Variants in IDH3G observed in about 807,000 individuals in gnomAD.
The protein encoded by IDH3G is isocitrate dehydrogenase (NAD(+)) 3 non-catalytic subunit gamma.
Under a neutral mutation model 26.9 loss-of-function variants are expected in IDH3G, and 9 were observed. The observed-to-expected ratio is 0.34, with a 90% CI of 0.20 to 0.58. IDH3G has a LOEUF of 0.58. Among genes scored for constraint, IDH3G ranks in the 20% least tolerant of loss-of-function variants. The pLI is 0.85. For synonymous variants in IDH3G, 181 were observed against 160.0 expected (o/e 1.13, Z -0.99); for missense variants, 250 against 372.8 (o/e 0.67, Z 2.71).
intron 12 of IDH3G, 44 bp from the exon 13 acceptor site, chrX:153,786,017 C>A: frequency 8.3e-7 from 1 of 1,210,327 alleles, no homozygotes. Flanking sequence ...GCCCTGCCAC[C>A]CCCCGCTGTC....
rs1557070234 is a variant in IDH3G, at chrX:153,790,551, G to A, written c.135+13C>T. ...GAGCCCCCCAAACCTAACAGGCAGA[G>A]AAGAATACTCACAATTGTTTGTTCC... On this transcript the variant is annotated intron_variant, in intron 3 of 12. Coordinates refer to ENST00000217901, the MANE Select transcript of IDH3G (RefSeq NM_004135.4). 5 of 1,207,030 alleles carry A rather than the reference G, an allele frequency of 4.1e-6. No homozygotes were observed. The highest frequency in any genetic ancestry group is 3.0e-5 in the East Asian group (1 of 33,840).
chrX:153,786,668 G>A (rs1049080332), intron 10 of IDH3G, 133 bp downstream of exon 10: 4 of 794,768 alleles, frequency 5.0e-6, no homozygotes, highest in Admixed American at 2.8e-5. Context: ...GGTGACGGCA[G>A]TACAACCCTG....
In IDH3G at chrX:153,786,386, G is replaced by T. The variant is rs183490781; in HGVS notation, c.988C>A (p.Leu330Met). 144 of 1,206,435 alleles carry T rather than the reference G, an allele frequency of 1.2e-4. No homozygotes were observed. The East Asian group carries it at 4.2e-3, about 36-fold the overall frequency. The change falls in exon 11 of 13, where the codon CTG (leucine) becomes ATG (methionine). Residue 330 changes from leucine (L) to methionine (M), a missense_variant. By Grantham distance (15) the Leu-to-Met change is conservative. Coordinates refer to ENST00000217901, the MANE Select transcript of IDH3G (RefSeq NM_004135.4). ...TGGTCCAGCATCATGCAGCTGGCCA[G>T]CAGGGTGGCCGTGGGGTTGGCGATG... is the stretch of plus-strand genomic sequence containing the variant. ...KNIANPTATL[L>M]ASCMMLDHLK...
intron 4 of IDH3G, 36 bp downstream of exon 4, chrX:153,790,159 G>A (rs782760433): frequency 9.0e-7 from 1 of 1,110,463 alleles, no homozygotes; most frequent in Non-Finnish European, 1.2e-6. Flanking sequence ...AGGGCCCCCT[G>A]GCTGAGGACA....
intron 4 of IDH3G, 42 bp from the exon 5 acceptor site, chrX:153,789,866 C>T (rs782641217): frequency 1.3e-5 from 12 of 897,686 alleles, no homozygotes; most frequent in African/African-American, 1.2e-4. Context: ...CAGACCCCCC[C>T]GCACCTCCTC....
At position 153,786,523 on chromosome X, in the gene IDH3G, G is replaced by A. The variant is rs1447152193; in HGVS notation, c.925-74C>T. 13 of 856,242 alleles carry A rather than the reference G, an allele frequency of 1.5e-5. 1 individual carries two copies. The East Asian group carries it at 2.4e-4, about 16-fold the overall frequency. 70.6% of individuals were successfully genotyped at this position (856,242 alleles called of 1,213,427 possible). ...GGCAGTGACTCTGCTCCTGTGACAC[G>A]TCCAGAAGAAGCCACTCCACAGGGA... On this transcript the variant is annotated intron_variant, in intron 10 of 12. Transcript: ENST00000217901.
chrX:153,786,045 C>G, intron 12 of IDH3G, 72 bp from the exon 13 acceptor site: 1 of 1,207,305 alleles, frequency 8.3e-7, no homozygotes, highest in Non-Finnish European at 1.1e-6. Flanking sequence ...ACGTGCAGGA[C>G]TGGGATTGCC....
In IDH3G at chrX:153,787,733, G is replaced by C. The variant is rs1441649580; in HGVS notation, c.540+90C>G. On this transcript the variant is annotated intron_variant, in intron 7 of 12. Coordinates refer to ENST00000217901, the MANE Select transcript of IDH3G (RefSeq NM_004135.4). ...GGCTTCTCCCTCGGGCACAGCCCCTGCCCTCTAAGGGTACACCTGTCCCTG... is the reference window on the plus strand; with the variant it reads ...GGCTTCTCCCTCGGGCACAGCCCCTCCCCTCTAAGGGTACACCTGTCCCTG... The C allele has an allele frequency of 3.5e-6, 4 of 1,132,047 alleles. No homozygotes were observed. In the Admixed American group the frequency reaches 9.1e-5, roughly 26 times the overall value. The allele number at this position is 1,132,047 out of a possible 1,213,427, so 93.3% of individuals were successfully genotyped here.
chrX:153,793,376 G>A (rs1557070960), intron 1 of IDH3G: 2 of 112,129 alleles, frequency 1.8e-5, no homozygotes, highest in Non-Finnish European at 3.8e-5. Flanking sequence ...GGCAAGTAGA[G>A]ATGTCCCTGG....
intron 5 of IDH3G, among the ~76,000 whole-genome samples, chrX:153,788,835 G>C (rs1369552822): frequency 8.9e-6 from 1 of 112,959 alleles, no homozygotes; most frequent in African/African-American, 3.2e-5. Flanking sequence ...CAAGTAATGG[G>C]CTGAGTGTGC....
chrX:153,786,197 C>T lies in IDH3G; in HGVS notation c.1080+15G>A, dbSNP rs781930672. ...CTGGGCGGGGCAGCAGGGTAGGGTG[C>T]GAGGGGAACCTCACATTCTCATTGT... On this transcript the variant is annotated intron_variant, in intron 12 of 12. Transcript: ENST00000217901. 5 of 1,207,800 alleles carry T rather than the reference C, an allele frequency of 4.1e-6. No individual in the cohort carries two copies. The highest frequency in any genetic ancestry group is 2.3e-4 in the Middle Eastern group (1 of 4,330).
At position 153,794,229 on chromosome X, in the gene IDH3G, G is replaced by T; in HGVS notation, c.81+17C>A. The stretch of plus-strand genomic sequence containing the variant: ...CTGCGACCGCTGCCGCGGTCCCGTG[G>T]CTCTTTCCCTGCTCACCTCCCAGGG... On this transcript the variant is annotated intron_variant, in intron 1 of 12. Coordinates refer to ENST00000217901, the MANE Select transcript of IDH3G (RefSeq NM_004135.4). 1.7e-6 allele frequency: 2 copies of T among 1,176,831 alleles called. No homozygotes were observed. The highest frequency in any genetic ancestry group is 2.3e-6 in the Non-Finnish European group (2 of 877,216).
At chrX:153,786,177 C>T (rs1452445424) in intron 12 of IDH3G, 35 bp downstream of exon 12, 4 of 1,206,347 alleles carry the variant, frequency 3.3e-6, no homozygotes, top group African/African-American at 1.7e-5. Flanking sequence ...GGAGACTGGG[C>T]GGGGCAGCAG....
chrX:153,787,807 G>A lies in IDH3G; in HGVS notation c.540+16C>T, dbSNP rs782450370. 7 of 1,196,136 alleles carry A rather than the reference G, an allele frequency of 5.9e-6. No homozygotes were observed. Among genetic ancestry groups the A allele is most frequent in the South Asian group, 3.6e-5 (2 of 56,225 alleles). On this transcript the variant is annotated intron_variant, in intron 7 of 12. Transcript: ENST00000217901. The stretch of plus-strand genomic sequence containing the variant: ...CTTGACGCTGGGGGGGCTCATCTCG[G>A]GCCCCCCATGCACACCTCATGCTCC...
chrX:153,789,614 AAAGC>A, intron 5 of IDH3G, 94 bp downstream of exon 5: 1 of 536,537 alleles, frequency 1.9e-6, no homozygotes, highest in Non-Finnish European at 3.1e-6. Flanking sequence ...AGCAAGCAAG[AAAGC>A]AAGCAAGCGA....
rs1557069471 is a variant in IDH3G at position 153,787,503 on chromosome X, C to A, written c.635G>T (p.Gly212Val). Reference sequence around the variant, plus strand: ...GTGCACGGCCGTCACTTTCTTGCGCCCGCTCTCCTGCGCCAGCTTGAAGGC... The same window carrying A: ...GTGCACGGCCGTCACTTTCTTGCGCACGCTCTCCTGCGCCAGCTTGAAGGC... Reference protein sequence around the residue: ...EYAFKLAQESGRKKVTAVHKA... With the variant: ...EYAFKLAQESVRKKVTAVHKA... The change falls in exon 8 of 13, where the codon GGG becomes GTG. Residue 212 changes from glycine (G) to valine (V), a missense_variant. Physicochemically the swap from Gly to Val is moderately radical, Grantham distance 109. This residue lies in a region of IDH3G where 201 missense variants were observed against 331.3 expected (regional missense o/e 0.61). Coordinates refer to ENST00000217901, the MANE Select transcript of IDH3G (RefSeq NM_004135.4). 1 of 1,211,603 alleles carries A rather than the reference C, an allele frequency of 8.3e-7. No homozygotes were observed.
chrX:153,791,637 C>T (rs1557070548), intron 1 of IDH3G, among the ~76,000 whole-genome samples: 3 of 112,771 alleles, frequency 2.7e-5, no homozygotes, highest in African/African-American at 9.7e-5. Flanking sequence ...ACACCTGAGA[C>T]GGTGGCAGAG....
At chrX:153,789,330 G>A (rs1428809802) in intron 5 of IDH3G, 2 of 284,496 alleles carry the variant, frequency 7.0e-6, no homozygotes, top group African/African-American at 2.8e-5. Flanking sequence ...CAGATCACGA[G>A]GTCAGGAGTT....
Position 153,789,829 on chromosome X carries a change from G to C in IDH3G, c.234-5C>G, listed in dbSNP as rs1471968385. On this transcript the variant is annotated splice_polypyrimidine_tract_variant and splice_region_variant and intron_variant, in intron 4 of 12. Transcript: ENST00000217901. ...TCCACTGGTACACATGCGTGCCTGA[G>C]GCACGGCAGGGTCAGGGAGGCTGGC... 8.8e-7 allele frequency: 1 copy of C among 1,140,124 alleles called. No homozygotes were observed. Among genetic ancestry groups the C allele is most frequent in the Non-Finnish European group, 1.2e-6 (1 of 836,242 alleles). 94.0% of individuals were successfully genotyped at this position (1,140,124 alleles called of 1,213,427 possible).
Sources: gnomAD v4.1 joint callset for allele counts (sites outside exome capture counted in the v4.1 genomes callset) on GRCh38, gnomAD v4.1.1 for gene constraint, gnomAD v4.1.1 regional missense constraint, MANE v1.5 for transcripts, NCBI Gene and HGNC (gene_info 2026-07-23, HGNC 2026-07-21) for gene names.